The following FRMD5 variants were observed in gnomAD, a reference collection of about 807,000 sequenced individuals.
FRMD5 encodes the protein FERM domain-containing protein 5.
A neutral mutation model predicts 69.0 loss-of-function variants in FRMD5; 20 were observed. The observed-to-expected ratio is 0.29, with a 90% CI of 0.20 to 0.42. The LOEUF is 0.42. Among genes scored for constraint, FRMD5 ranks in the 10% least tolerant of loss-of-function variants. The pLI is 1.00. For synonymous variants in FRMD5, 271 were observed against 260.1 expected, an observed-to-expected ratio of 1.04 and a Z score of -0.40; for missense variants, 595 against 708.6, an observed-to-expected ratio of 0.84 and a Z score of 1.82.
chr15:44,198,780 A>G (rs547398926), upstream of FRMD5, among the ~76,000 whole-genome samples: 1 of 152,356 alleles, frequency 6.6e-6, no homozygotes, highest in African/African-American at 2.4e-5. Flanking sequence ...GATGCCCAGA[A>G]TGGAAAGGGC....
intron 1 of FRMD5, among the ~76,000 whole-genome samples, chr15:44,083,608 A>C (rs1250645804): frequency 6.6e-6 from 1 of 151,834 alleles, no homozygotes; most frequent in African/African-American, 2.4e-5. Flanking sequence ...TTTTACTGTT[A>C]TTGATGTTAG....
At chr15:44,107,160 A>G (rs1186250954) in intron 1 of FRMD5, among the ~76,000 whole-genome samples, 1 of 152,198 alleles carries the variant, frequency 6.6e-6, no homozygotes, top group Non-Finnish European at 1.5e-5. Context: ...CACAAACGAA[A>G]TATTTGAGAA....
rs549217786 is a variant in FRMD5, at chr15:44,148,096, T to C, written c.102+46857A>G. 9.2e-5 allele frequency among the ~76,000 whole-genome samples: 14 copies of C among 152,316 alleles called. No homozygotes were observed. The South Asian group carries it at 2.9e-3, about 32-fold the overall frequency. On this transcript the variant is annotated intron_variant, in intron 1 of 13. Transcript: ENST00000417257. ...ACCAGCTGAAGTGACTTCCAGAGTA[T>C]TTAATGGGCCCACATCCTTTTTGTT...
chr15:43,895,500 A>T (rs992835077), intron 7 of FRMD5, among the ~76,000 whole-genome samples: 6 of 152,244 alleles, frequency 3.9e-5, no homozygotes, highest in Non-Finnish European at 7.3e-5. Context: ...GAGTTAGAGG[A>T]GCACAGCCTC....
intron 1 of FRMD5, among the ~76,000 whole-genome samples, chr15:44,152,486 C>T (rs902889217): frequency 1.3e-5 from 2 of 152,204 alleles, no homozygotes; most frequent in African/African-American, 4.8e-5. Context: ...CATTCTCATA[C>T]AAGCCTTGCA....
chr15:44,178,907 G>A (rs1319195005), intron 1 of FRMD5, among the ~76,000 whole-genome samples: 1 of 152,008 alleles, frequency 6.6e-6, no homozygotes, highest in Non-Finnish European at 1.5e-5. Flanking sequence ...GAGGAGAATC[G>A]CTTGAACCCA....
chr15:43,986,855 T>A (rs1418430939), intron 1 of FRMD5, among the ~76,000 whole-genome samples: 2 of 152,302 alleles, frequency 1.3e-5, no homozygotes, highest in African/African-American at 4.8e-5. Flanking sequence ...AGCAAGTCTT[T>A]CAGCACCATT....
In FRMD5 at chr15:44,193,794, T is replaced by C. The variant is rs1299676604; in HGVS notation, c.102+1159A>G. On this transcript the variant is annotated intron_variant, in intron 1 of 13. Coordinates refer to ENST00000417257, the MANE Select transcript of FRMD5 (RefSeq NM_032892.5). The stretch of plus-strand genomic sequence containing the variant: ...CAGTGTCTTTCTCACACACCGCTAT[T>C]TTCCGCGATTGAGCACTGTCAGCAA... Among the ~76,000 whole-genome samples the C allele has an allele frequency of 2.0e-5, 3 of 152,162 alleles. No individual in the cohort carries two copies. The East Asian group carries it at 5.8e-4, about 29-fold the overall frequency.
chr15:44,004,352 ATGTTTTTGTTTT>A (rs145386298), intron 1 of FRMD5, among the ~76,000 whole-genome samples: 1,709 of 152,160 alleles, frequency 0.011, 32 homozygotes, highest in East Asian at 0.1. Flanking sequence ...CACAGATACT[ATGTTTTTGTTTT>A]TGTTTTTGTT....
At chr15:44,112,034 G>C (rs929840604) in intron 1 of FRMD5, among the ~76,000 whole-genome samples, 1 of 151,842 alleles carries the variant, frequency 6.6e-6, no homozygotes, top group Admixed American at 6.6e-5. Flanking sequence ...TAGTAGAGAC[G>C]GGGTTTCACC....
chr15:44,077,002 T>C (rs916340601), intron 1 of FRMD5, among the ~76,000 whole-genome samples: 2 of 151,952 alleles, frequency 1.3e-5, no homozygotes, highest in Admixed American at 6.6e-5. Context: ...TTCTTGGATA[T>C]AGACTGCTAT....
intron 6 of FRMD5, among the ~76,000 whole-genome samples, chr15:43,905,143 T>C (rs936195538): frequency 6.6e-6 from 1 of 150,646 alleles, no homozygotes. Flanking sequence ...TCCTTTTTTT[T>C]TTTTTTTTTT....
In FRMD5 at chr15:44,019,013, G is replaced by A. The variant is rs538428672; in HGVS notation, c.103-94704C>T. Among the ~76,000 whole-genome samples, 16 of 152,038 alleles carry A rather than the reference G, an allele frequency of 1.1e-4. No individual in the cohort carries two copies. The South Asian group carries it at 3.3e-3, about 32-fold the overall frequency. On this transcript the variant is annotated intron_variant, in intron 1 of 13. Transcript: ENST00000417257. ...GGGTTCAAGCGATTCTCCTGCCCTA[G>A]CCTCCCAAGTAGCTGGGACTATAGG... is the stretch of plus-strand genomic sequence containing the variant.
intron 1 of FRMD5, among the ~76,000 whole-genome samples, chr15:44,048,169 T>C (rs1212736184): frequency 6.6e-6 from 1 of 152,246 alleles, no homozygotes; most frequent in African/African-American, 2.4e-5. Context: ...TATACCATTT[T>C]CTATTCCTAC....
intron 1 of FRMD5, among the ~76,000 whole-genome samples, chr15:44,098,507 C>T (rs1301878456): frequency 1.5e-5 from 2 of 133,050 alleles, no homozygotes; most frequent in South Asian, 5.2e-4. Context: ...CCTGGCGACA[C>T]AGCAAGACTC....
intron 1 of FRMD5, among the ~76,000 whole-genome samples, chr15:44,042,018 C>G (rs1294449928): frequency 6.6e-6 from 1 of 151,942 alleles, no homozygotes; most frequent in African/African-American, 2.4e-5. Flanking sequence ...AGATCAACAA[C>G]ATAGATAGAC....
At chr15:43,875,388 A>ATG in intron 13 of FRMD5, among the ~76,000 whole-genome samples, 3 of 141,446 alleles carry the variant, frequency 2.1e-5, no homozygotes, top group South Asian at 2.2e-4. Context: ...ATATATATAT[A>ATG]TATATGTATG....
chr15:44,169,503 A>G (rs548130559), intron 1 of FRMD5, among the ~76,000 whole-genome samples: 10 of 152,212 alleles, frequency 6.6e-5, no homozygotes, highest in Non-Finnish European at 1.0e-4. Context: ...AGGAGAGAGA[A>G]CAGGCAGAAA....
intron 1 of FRMD5, among the ~76,000 whole-genome samples, chr15:44,070,157 G>A (rs1480141600): frequency 6.6e-6 from 1 of 152,032 alleles, no homozygotes; most frequent in African/African-American, 2.4e-5. Flanking sequence ...GCCTCAAAGG[G>A]TAAATTAATG....
Sources: gnomAD v4.1 joint callset for allele counts (sites outside exome capture counted in the v4.1 genomes callset) on GRCh38, gnomAD v4.1.1 for gene constraint, MANE v1.5 for transcripts, NCBI Gene and HGNC (gene_info 2026-07-23, HGNC 2026-07-21) for gene names.